ITPR1: variants seen among roughly 807,000 people sequenced by gnomAD.
ITPR1 encodes inositol 1,4,5-trisphosphate receptor type 1.
Under a neutral mutation model 318.4 loss-of-function variants are expected in ITPR1, and 96 were observed. The ratio of observed to expected loss-of-function variants is 0.30; its 90% CI spans 0.26 to 0.36. The LOEUF is 0.36. Among genes scored for constraint, ITPR1 ranks in the 10% least tolerant of loss-of-function variants. The probability of loss-of-function intolerance (pLI) is 1.00; values close to 1 mark genes in which losing one functional copy is unlikely to be tolerated. For missense variants in ITPR1, 2,440 were observed against 3,460.2 expected, an observed-to-expected ratio of 0.71 and a Z score of 7.40; for synonymous variants, 1,312 against 1,289.9, an observed-to-expected ratio of 1.02 and a Z score of -0.37.
In ITPR1 at chr3:4,783,278, G is replaced by A. The variant is rs1267760426; in HGVS notation, c.6510+537G>A. On this transcript the variant is annotated intron_variant, in intron 50 of 61. Coordinates refer to ENST00000649015, the MANE Select transcript of ITPR1 (RefSeq NM_001378452.1). ...AAGAGCCTTTCTCTTTTTGGATGCC[G>A]ACGTGCCTTGAGCTTTCGGTGGGTA... 3.3e-5 allele frequency among the ~76,000 whole-genome samples: 5 copies of A among 152,150 alleles called. No individual in the cohort carries two copies. In the East Asian group the frequency reaches 7.7e-4, roughly 24 times the overall value.
At chr3:4,722,653 T>C (rs2042244405) in intron 40 of ITPR1, among the ~76,000 whole-genome samples, 1 of 152,208 alleles carries the variant, frequency 6.6e-6, no homozygotes, top group Non-Finnish European at 1.5e-5. Flanking sequence ...CAAGGAAACA[T>C]AGCCAACATC....
intron 4 of ITPR1, among the ~76,000 whole-genome samples, chr3:4,554,671 G>A (rs141216134): frequency 6.8e-6 from 1 of 147,846 alleles, no homozygotes; most frequent in African/African-American, 2.4e-5. Flanking sequence ...TGAGGTTTCA[G>A]TTAACCCGGT....
At chr3:4,637,919 C>T (rs574855916) in intron 5 of ITPR1, among the ~76,000 whole-genome samples, 4 of 152,038 alleles carry the variant, frequency 2.6e-5, no homozygotes, top group African/African-American at 7.2e-5. Flanking sequence ...TAGAAAGTAG[C>T]GTATAATAAT....
chr3:4,588,323 G>A (rs1025191859), intron 4 of ITPR1, among the ~76,000 whole-genome samples: 3 of 151,804 alleles, frequency 2.0e-5, no homozygotes, highest in South Asian at 2.1e-4. Flanking sequence ...GTGTACTTAC[G>A]TATGTGCATA....
chr3:4,583,505 G>A (rs982676263), intron 4 of ITPR1, among the ~76,000 whole-genome samples: 3 of 152,096 alleles, frequency 2.0e-5, no homozygotes, highest in Admixed American at 6.6e-5. Flanking sequence ...ATGTTTTTCC[G>A]TTTGTAGTTT....
chr3:4,818,301 A>G, intron 60 of ITPR1, 59 bp downstream of exon 60: 1 of 1,368,154 alleles, frequency 7.3e-7, no homozygotes, highest in Non-Finnish European at 9.9e-7. Flanking sequence ...GCTCTGAGCA[A>G]GGCCCCAGCA....
chr3:4,566,603 T>C (rs112607531), intron 4 of ITPR1, among the ~76,000 whole-genome samples: 994 of 46,770 alleles, frequency 0.021, 6 homozygotes, highest in African/African-American at 0.072. Flanking sequence ...TGGGGACACA[T>C]GCACACACAC....
At chr3:4,763,315 G>C (rs1017956041) in intron 44 of ITPR1, among the ~76,000 whole-genome samples, 1 of 152,114 alleles carries the variant, frequency 6.6e-6, no homozygotes, top group Non-Finnish European at 1.5e-5. Flanking sequence ...ATTTACCTTT[G>C]TGACAAACCT....
chr3:4,696,352 A>T lies in ITPR1; in HGVS notation c.4282-795A>T, dbSNP rs184872367. Among the ~76,000 whole-genome samples, 87 of 152,306 alleles carry T rather than the reference A, an allele frequency of 5.7e-4. 2 individuals are homozygous for T. Among genetic ancestry groups the T allele is most frequent in the African/African-American group, 2.0e-3 (84 of 41,566 alleles). Reference sequence around the variant, plus strand: ...TTTGCCTATTTGAGACATTTCATGGAATCATACACATGTGGTCTTTTATGA... The same window carrying T: ...TTTGCCTATTTGAGACATTTCATGGTATCATACACATGTGGTCTTTTATGA... On this transcript the variant is annotated intron_variant, in intron 33 of 61. Transcript: ENST00000649015.
intron 44 of ITPR1, among the ~76,000 whole-genome samples, chr3:4,761,701 C>T (rs1193448696): frequency 6.6e-6 from 1 of 152,002 alleles, no homozygotes; most frequent in East Asian, 1.9e-4. Context: ...AAAGAGGTTC[C>T]GGGAGGGAGA....
intron 46 of ITPR1, among the ~76,000 whole-genome samples, chr3:4,770,909 A>C (rs1185798270): frequency 6.6e-6 from 1 of 152,082 alleles, no homozygotes; most frequent in Non-Finnish European, 1.5e-5. Flanking sequence ...TAGTCACGGG[A>C]TTCAGGCAAA....
At chr3:4,513,197 C>T (rs529234715) in intron 2 of ITPR1, among the ~76,000 whole-genome samples, 19 of 152,280 alleles carry the variant, frequency 1.2e-4, no homozygotes, top group Admixed American at 7.8e-4. Flanking sequence ...ACTTCTGGGG[C>T]GGACTTTCCA....
At chr3:4,591,513 G>A (rs144391540) in intron 4 of ITPR1, among the ~76,000 whole-genome samples, 1 of 152,222 alleles carries the variant, frequency 6.6e-6, no homozygotes, top group East Asian at 1.9e-4. Context: ...CTTGTTGCCT[G>A]GTTCAACTTT....
intron 44 of ITPR1, chr3:4,750,517 A>C (rs1427030043): frequency 6.6e-6 from 1 of 152,206 alleles, no homozygotes; most frequent in East Asian, 1.9e-4. Context: ...GGCAGACAAG[A>C]GTCGCTGAGA....
At chr3:4,579,653 C>G (rs370741093) in intron 4 of ITPR1, among the ~76,000 whole-genome samples, 3 of 152,044 alleles carry the variant, frequency 2.0e-5, no homozygotes, top group African/African-American at 7.2e-5. Flanking sequence ...GCTTCCTTTC[C>G]GTAGGAAAGT....
At chr3:4,695,410 A>G (rs2094541938) in intron 33 of ITPR1, among the ~76,000 whole-genome samples, 1 of 151,936 alleles carries the variant, frequency 6.6e-6, no homozygotes, top group East Asian at 1.9e-4. Context: ...TTTATTTGAA[A>G]TACAACGGAA....
intron 60 of ITPR1, among the ~76,000 whole-genome samples, chr3:4,829,967 T>G (rs1345487338): frequency 1.1e-4 from 11 of 103,824 alleles, no homozygotes; most frequent in South Asian, 3.9e-4. Flanking sequence ...TTTTTTTTTT[T>G]TTTTTTTTTT....
chr3:4,786,373 G>T (rs2047198127), intron 51 of ITPR1, among the ~76,000 whole-genome samples: 2 of 152,176 alleles, frequency 1.3e-5, no homozygotes, highest in Admixed American at 1.3e-4. Context: ...GGGAACCACT[G>T]GTCTAAAGAC....
At chr3:4,513,148 C>T (rs1356654062) in intron 2 of ITPR1, among the ~76,000 whole-genome samples, 2 of 152,324 alleles carry the variant, frequency 1.3e-5, no homozygotes, top group East Asian at 3.9e-4. Flanking sequence ...CAGCTCTGAA[C>T]AACAGGAAGT....
Sources: gnomAD v4.1 joint callset for allele counts (sites outside exome capture counted in the v4.1 genomes callset) on GRCh38, gnomAD v4.1.1 for gene constraint, MANE v1.5 for transcripts, NCBI Gene and HGNC (gene_info 2026-07-23, HGNC 2026-07-21) for gene names.